The following TUSC3 variants were observed in gnomAD, a reference collection of about 807,000 sequenced individuals.
The protein encoded by TUSC3 is dolichyl-diphosphooligosaccharide--protein glycosyltransferase subunit TUSC3.
TUSC3 carries 45 observed loss-of-function variants against 44.8 expected under a neutral mutation model. The ratio of observed to expected loss-of-function variants is 1.00; its 90% CI spans 0.79 to 1.29. TUSC3 has a LOEUF of 1.29. TUSC3 is among the 50% of genes most tolerant of loss of function. TUSC3 has a pLI of 0.00. For missense variants in TUSC3, 519 were observed against 437.9 expected, an observed-to-expected ratio of 1.19 and a Z score of -1.65; for synonymous variants, 212 against 152.9, an observed-to-expected ratio of 1.39 and a Z score of -2.85.
intron 2 of TUSC3, among the ~76,000 whole-genome samples, chr8:15,484,125 A>G (rs1264470938): frequency 6.6e-6 from 1 of 151,990 alleles, no homozygotes; most frequent in Non-Finnish European, 1.5e-5. Context: ...AAATTTTCTA[A>G]TTGTTTTCTA....
chr8:15,669,861 G>A (rs531868265), intron 5 of TUSC3, among the ~76,000 whole-genome samples: 5 of 151,364 alleles, frequency 3.3e-5, no homozygotes, highest in East Asian at 2.0e-4. Flanking sequence ...CACACATCCC[G>A]GTAAAAATAA....
In TUSC3 at chr8:15,764,261, T is replaced by C; in HGVS notation, c.*105T>C. The C allele has an allele frequency of 6.3e-7, 1 of 1,591,356 alleles. No individual in the cohort carries two copies. The highest frequency in any genetic ancestry group is 1.1e-5 in the South Asian group (1 of 90,342). On this transcript the variant is annotated 3_prime_UTR_variant, in exon 11 of 11. Transcript: ENST00000503731. ...ATAAAGTGAATGTTTACCATGAAGA[T>C]AAACTGTTCCTGACTTTATACTATT...
the TUSC3 span, among the ~76,000 whole-genome samples, chr8:15,845,381 C>A: frequency 0.031 from 4,731 of 152,112 alleles, 257 homozygotes; most frequent in African/African-American, 0.11. Flanking sequence ...ATCCTGAACT[C>A]CCTAGAATTG....
intron 2 of TUSC3, among the ~76,000 whole-genome samples, chr8:15,635,100 T>C (rs1806006027): frequency 6.6e-6 from 1 of 151,950 alleles, no homozygotes; most frequent in Admixed American, 6.6e-5. Flanking sequence ...CCAGGGGATA[T>C]ATTGGTTGAG....
intron 1 of TUSC3, among the ~76,000 whole-genome samples, chr8:15,598,473 C>A (rs1256606359): frequency 1.3e-5 from 2 of 151,748 alleles, no homozygotes; most frequent in Non-Finnish European, 2.9e-5. Context: ...ATCATAATTA[C>A]CCAAAGTCTG....
At chr8:15,604,004 C>A (rs915893571) in intron 1 of TUSC3, among the ~76,000 whole-genome samples, 18 of 151,330 alleles carry the variant, frequency 1.2e-4, no homozygotes, top group Admixed American at 4.6e-4. Flanking sequence ...GCCTATGTGA[C>A]CATTATTAAG....
intron 2 of TUSC3, among the ~76,000 whole-genome samples, chr8:15,645,042 A>T (rs915173266): frequency 6.6e-6 from 1 of 152,144 alleles, no homozygotes; most frequent in African/African-American, 2.4e-5. Context: ...TCATTTACAT[A>T]ATATTTTAAT....
Position 15,471,764 on chromosome 8 carries a change from C to T in TUSC3, n.92-11622C>T, listed in dbSNP as rs1217449145. 2.0e-5 allele frequency among the ~76,000 whole-genome samples: 3 copies of T among 151,996 alleles called. No homozygotes were observed. In the East Asian group the frequency reaches 5.8e-4, roughly 29 times the overall value. On this transcript the variant is annotated intron_variant and non_coding_transcript_variant, in intron 1 of 5. Coordinates refer to the TUSC3 transcript ENST00000503191. ...TCCCAAGTAGCTGGGATTGCAGGTG[C>T]TCACCAACACGTCCAGCTAATTTTT...
chr8:15,475,644 T>C (rs1287193912), intron 1 of TUSC3, among the ~76,000 whole-genome samples: 1 of 152,176 alleles, frequency 6.6e-6, no homozygotes, highest in Non-Finnish European at 1.5e-5. Flanking sequence ...TTGGGATATA[T>C]GCCATTACAG....
chr8:15,585,337 A>G (rs1159729340), intron 1 of TUSC3, among the ~76,000 whole-genome samples: 1 of 152,212 alleles, frequency 6.6e-6, no homozygotes, highest in East Asian at 1.9e-4. Flanking sequence ...CCAATGCACC[A>G]CAATGTAGCA....
At chr8:15,817,172 G>A in the TUSC3 span, among the ~76,000 whole-genome samples, 3 of 152,100 alleles carry the variant, frequency 2.0e-5, no homozygotes, top group East Asian at 3.9e-4. Context: ...TAAAAACTCA[G>A]GTAGGTTTTT....
At chr8:15,437,172 C>G (rs1269847708) in intron 1 of TUSC3, among the ~76,000 whole-genome samples, 1 of 152,038 alleles carries the variant, frequency 6.6e-6, no homozygotes, top group Non-Finnish European at 1.5e-5. Flanking sequence ...AATCATTAGT[C>G]CCATAGTAAT....
chr8:15,809,367 C>T, the TUSC3 span, among the ~76,000 whole-genome samples: 2 of 152,124 alleles, frequency 1.3e-5, no homozygotes, highest in Admixed American at 1.3e-4. Flanking sequence ...GATCTCACTG[C>T]TCTATAATTA....
intron 1 of TUSC3, among the ~76,000 whole-genome samples, chr8:15,576,094 T>C (rs888670029): frequency 2.0e-5 from 3 of 151,782 alleles, no homozygotes; most frequent in African/African-American, 7.2e-5. Context: ...TCCATTTTAA[T>C]TTTTCTAATT....
At chr8:15,817,984 G>C in the TUSC3 span, among the ~76,000 whole-genome samples, 1 of 152,102 alleles carries the variant, frequency 6.6e-6, no homozygotes, top group Admixed American at 6.6e-5. Context: ...ATGGAAAAAA[G>C]GAGGAAGCTG....
At chr8:15,842,118 G>A in the TUSC3 span, among the ~76,000 whole-genome samples, 1 of 152,048 alleles carries the variant, frequency 6.6e-6, no homozygotes, top group Non-Finnish European at 1.5e-5. Flanking sequence ...TGTTTTTTGA[G>A]CACTTACTGA....
At chr8:15,471,502 A>T (rs148864169) in intron 1 of TUSC3, among the ~76,000 whole-genome samples, 1 of 151,722 alleles carries the variant, frequency 6.6e-6, no homozygotes, top group East Asian at 1.9e-4. Flanking sequence ...TCATCTCTAA[A>T]ATGAGATTTC....
intron 1 of TUSC3, among the ~76,000 whole-genome samples, chr8:15,583,299 G>T (rs964394720): frequency 9.2e-5 from 14 of 151,906 alleles, no homozygotes; most frequent in African/African-American, 2.9e-4. Context: ...TTCTTTTTTG[G>T]TTTAAGTTCA....
chr8:15,593,104 G>T, intron 1 of TUSC3, among the ~76,000 whole-genome samples: 1 of 151,266 alleles, frequency 6.6e-6, no homozygotes, highest in African/African-American at 2.4e-5. Context: ...ATTTTTTTTT[G>T]AGACGGAGTC....
Sources: gnomAD v4.1 joint callset for allele counts (sites outside exome capture counted in the v4.1 genomes callset) on GRCh38, gnomAD v4.1.1 for gene constraint, MANE v1.5 for transcripts, NCBI Gene and HGNC (gene_info 2026-07-23, HGNC 2026-07-21) for gene names.